The following ERC2 variants were observed in gnomAD, a reference collection of about 807,000 sequenced individuals.
ERC2 encodes ERC protein 2.
ERC2 carries 42 observed loss-of-function variants against 114.8 expected under a neutral mutation model. The ratio of observed to expected loss-of-function variants is 0.37; its 90% CI spans 0.29 to 0.47. The LOEUF is 0.47. Among genes scored for constraint, ERC2 ranks in the 20% least tolerant of loss-of-function variants. The probability of loss-of-function intolerance (pLI) is 0.99; values close to 1 mark genes in which losing one functional copy is unlikely to be tolerated. For missense variants in ERC2, 939 were observed against 1,150.7 expected, an observed-to-expected ratio of 0.82 and a Z score of 2.66; for synonymous variants, 454 against 425.5, an observed-to-expected ratio of 1.07 and a Z score of -0.82.
At chr3:55,849,198 G>C (rs903530413) in intron 14 of ERC2, among the ~76,000 whole-genome samples, 3 of 152,116 alleles carry the variant, frequency 2.0e-5, no homozygotes, top group Admixed American at 2.0e-4. Context: ...TCTGAGATAA[G>C]AGTCCCGGAC....
At chr3:56,197,513 T>C (rs2048177724) in intron 3 of ERC2, among the ~76,000 whole-genome samples, 1 of 152,198 alleles carries the variant, frequency 6.6e-6, no homozygotes, top group African/African-American at 2.4e-5. Context: ...CCAGGAAATA[T>C]AGTCCAGTTG....
At chr3:56,319,314 A>G (rs896299084) in intron 2 of ERC2, among the ~76,000 whole-genome samples, 38 of 152,242 alleles carry the variant, frequency 2.5e-4, no homozygotes, top group African/African-American at 8.9e-4. Flanking sequence ...AGCCTTAAAA[A>G]AAAAAAAGAA....
intron 14 of ERC2, among the ~76,000 whole-genome samples, chr3:55,805,722 T>C (rs1286012905): frequency 6.6e-6 from 1 of 152,070 alleles, no homozygotes; most frequent in Admixed American, 6.6e-5. Context: ...AGATTCTAGA[T>C]TTGGAAAACC....
chr3:56,188,637 T>A (rs1427751193), intron 3 of ERC2, among the ~76,000 whole-genome samples: 1 of 152,206 alleles, frequency 6.6e-6, no homozygotes, highest in African/African-American at 2.4e-5. Context: ...AGATTTTCAT[T>A]TCAAACACTT....
At chr3:55,699,600 G>A (rs1453747681) in intron 15 of ERC2, 88 bp from the exon 16 acceptor site, 3 of 1,370,820 alleles carry the variant, frequency 2.2e-6, no homozygotes, top group Non-Finnish European at 2.9e-6. Context: ...TACCTATAGG[G>A]ATCCCTTTGT....
intron 14 of ERC2, among the ~76,000 whole-genome samples, chr3:55,843,841 G>A (rs1195028782): frequency 6.6e-6 from 1 of 152,150 alleles, no homozygotes; most frequent in Non-Finnish European, 1.5e-5. Context: ...CCAATTTCCT[G>A]TTCATAAAGC....
At chr3:55,672,033 T>C (rs1442613730) in intron 17 of ERC2, among the ~76,000 whole-genome samples, 2 of 152,204 alleles carry the variant, frequency 1.3e-5, no homozygotes, top group African/African-American at 4.8e-5. Flanking sequence ...GAACACCATA[T>C]GCCTTTATGA....
rs149132055 is a variant in ERC2 at position 55,640,235 on chromosome 3, T to C, written c.*39+43559A>G. ...ATAGCCCATTCTTGGTCCATCTGTCTTTGTCAAGGAATGAGATTCCAGGTT... is the reference window on the plus strand; with the variant it reads ...ATAGCCCATTCTTGGTCCATCTGTCCTTGTCAAGGAATGAGATTCCAGGTT... On this transcript the variant is annotated intron_variant, in intron 17 of 17. Coordinates refer to ENST00000288221, the MANE Select transcript of ERC2 (RefSeq NM_015576.3). Among the ~76,000 whole-genome samples the C allele has an allele frequency of 2.0e-5, 3 of 152,342 alleles. No homozygotes were observed. The East Asian group carries it at 5.8e-4, about 29-fold the overall frequency.
intron 3 of ERC2, among the ~76,000 whole-genome samples, chr3:56,221,900 AC>A (rs2150151689): frequency 6.6e-6 from 1 of 152,214 alleles, no homozygotes; most frequent in East Asian, 1.9e-4. Context: ...CCGTCTCAAA[AC>A]AAAAAAAAAA....
intron 14 of ERC2, among the ~76,000 whole-genome samples, chr3:55,835,200 T>C (rs996383989): frequency 2.6e-5 from 4 of 152,134 alleles, no homozygotes; most frequent in African/African-American, 9.7e-5. Flanking sequence ...CCATTCCTTC[T>C]GAAACTATTC....
chr3:56,166,486 C>G (rs1247860381), intron 4 of ERC2, among the ~76,000 whole-genome samples: 1 of 151,982 alleles, frequency 6.6e-6, no homozygotes, highest in Non-Finnish European at 1.5e-5. Flanking sequence ...CTCAAAAAAG[C>G]CATCTGGGCC....
At chr3:55,689,390 C>A (rs1177348989) in intron 16 of ERC2, among the ~76,000 whole-genome samples, 1 of 152,092 alleles carries the variant, frequency 6.6e-6, no homozygotes, top group African/African-American at 2.4e-5. Context: ...ACATCAGATA[C>A]CCAGCTGAAG....
intron 7 of ERC2, among the ~76,000 whole-genome samples, chr3:56,045,445 C>T (rs938870324): frequency 6.6e-6 from 1 of 152,044 alleles, no homozygotes; most frequent in Non-Finnish European, 1.5e-5. Context: ...CTTATCTTTC[C>T]AGAGCCCAGT....
chr3:55,824,374 A>T (rs1209362401), intron 14 of ERC2, among the ~76,000 whole-genome samples: 2 of 152,186 alleles, frequency 1.3e-5, no homozygotes, highest in Non-Finnish European at 2.9e-5. Flanking sequence ...CCCATGTCAG[A>T]ACAGAGACTC....
At chr3:56,439,870 C>T (rs1468010799) in intron 1 of ERC2, among the ~76,000 whole-genome samples, 1 of 151,938 alleles carries the variant, frequency 6.6e-6, no homozygotes, top group Non-Finnish European at 1.5e-5. Flanking sequence ...CTCTTATTGG[C>T]ATTTGTAAAT....
At chr3:55,584,781 C>T (rs2057509221) in intron 17 of ERC2, among the ~76,000 whole-genome samples, 1 of 152,178 alleles carries the variant, frequency 6.6e-6, no homozygotes, top group Non-Finnish European at 1.5e-5. Flanking sequence ...ACCTCCCGAA[C>T]TGAGAAGATT....
chr3:55,991,643 C>A (rs1379100366), intron 11 of ERC2, among the ~76,000 whole-genome samples: 2 of 152,144 alleles, frequency 1.3e-5, no homozygotes, highest in African/African-American at 4.8e-5. Context: ...ATGAAGAATT[C>A]CCAACTATAT....
At chr3:55,924,232 G>A (rs1211938563) in intron 13 of ERC2, among the ~76,000 whole-genome samples, 1 of 152,106 alleles carries the variant, frequency 6.6e-6, no homozygotes. Flanking sequence ...TAGAGCAGGG[G>A]TTGGCAAACT....
intron 2 of ERC2, among the ~76,000 whole-genome samples, chr3:56,360,250 C>T (rs1418170519): frequency 6.6e-6 from 1 of 151,660 alleles, no homozygotes; most frequent in African/African-American, 2.4e-5. Flanking sequence ...GGGGTTTCAC[C>T]GTCTTGATCT....
Sources: allele counts gnomAD v4.1 joint callset (sites outside exome capture counted in the v4.1 genomes callset), GRCh38; gene constraint gnomAD v4.1.1; transcripts MANE v1.5; gene names NCBI Gene and HGNC (gene_info 2026-07-23, HGNC 2026-07-21).